PLA2R1: variants seen among roughly 807,000 people sequenced by gnomAD.
PLA2R1 encodes phospholipase A2 receptor 1.
A neutral mutation model predicts 195.9 loss-of-function variants in PLA2R1; 158 were observed. The ratio of observed to expected loss-of-function variants is 0.81; its 90% CI spans 0.71 to 0.92. The LOEUF (loss-of-function observed/expected upper bound fraction) is 0.92. Among genes scored for constraint, PLA2R1 ranks in the 40% least tolerant of loss-of-function variants. The pLI is 0.00. For synonymous variants in PLA2R1, 586 were observed against 598.2 expected, an observed-to-expected ratio of 0.98 and a Z score of 0.30; for missense variants, 1,626 against 1,764.6, an observed-to-expected ratio of 0.92 and a Z score of 1.41.
chr2:160,028,769 T>C, intron 5 of PLA2R1, 81 bp downstream of exon 5: 1 of 812,142 alleles, frequency 1.2e-6, no homozygotes, highest in Non-Finnish European at 2.1e-6. Context: ...AAAAAGCATG[T>C]CCTATGTGCA....
chr2:160,044,391 G>A (rs145348340), intron 2 of PLA2R1, among the ~76,000 whole-genome samples: 5 of 152,230 alleles, frequency 3.3e-5, no homozygotes, highest in South Asian at 2.1e-4. Flanking sequence ...GAGAAATGGC[G>A]GCAGGGGAGG....
chr2:160,045,150 T>C lies in PLA2R1; in HGVS notation c.117A>G (p.Gly39=). The change falls in exon 2 of 30, where the codon GGA becomes GGG. Residue 39 remains glycine (G), a synonymous_variant. Transcript: ENST00000283243. ...PERLLEWQDK[G]IFVIQSESLK... ...GACTCTCACTTTGGATAACAAATAT[T>C]CCTTTATCTGAAACAAAAATCAAAG... 6.3e-7 allele frequency: 1 copy of C among 1,588,506 alleles called. No individual in the cohort carries two copies. The highest frequency in any genetic ancestry group is 8.6e-7 in the Non-Finnish European group (1 of 1,164,556).
chr2:160,050,433 A>T (rs1010877894), intron 1 of PLA2R1, among the ~76,000 whole-genome samples: 1 of 150,928 alleles, frequency 6.6e-6, no homozygotes, highest in African/African-American at 2.4e-5. Flanking sequence ...TAACTGAACC[A>T]CTCTTTCACT....
At chr2:160,047,570 A>T (rs1339785713) in intron 1 of PLA2R1, among the ~76,000 whole-genome samples, 1 of 152,188 alleles carries the variant, frequency 6.6e-6, no homozygotes, top group African/African-American at 2.4e-5. Context: ...TCTTTTATGG[A>T]GGAAAAATAC....
chr2:160,039,727 A>G lies in PLA2R1; in HGVS notation c.667+2298T>C, dbSNP rs141637322. ...GGAAGAAAACTGGCACTGAACAAATAAACATGCTCTCTGCTGGTTGTGGTA... is the reference window on the plus strand; with the variant it reads ...GGAAGAAAACTGGCACTGAACAAATGAACATGCTCTCTGCTGGTTGTGGTA... On this transcript the variant is annotated intron_variant, in intron 3 of 29. Transcript: ENST00000283243. Among the ~76,000 whole-genome samples the G allele has an allele frequency of 3.1e-3, 478 of 152,148 alleles. 2 individuals are homozygous for G. The highest frequency in any genetic ancestry group is 0.011 in the African/African-American group (444 of 41,518).
rs1444712142 is a variant in PLA2R1, at chr2:159,933,473, G to A, written c.*8305C>T. 6.6e-6 allele frequency: 1 copy of A among 152,084 alleles called. No homozygotes were observed. The highest frequency in any genetic ancestry group is 2.4e-5 in the African/African-American group (1 of 41,398). The allele number at this position is 152,084 out of a possible 1,614,324, so 9.4% of individuals were successfully genotyped here. ...CAATTTAATACATATCACTTATCTTGTTAAGCCTTTCTCTACTTCTGACAG... is the reference window on the plus strand; with the variant it reads ...CAATTTAATACATATCACTTATCTTATTAAGCCTTTCTCTACTTCTGACAG... On this transcript the variant is annotated 3_prime_UTR_variant, in exon 30 of 30. Coordinates refer to ENST00000283243, the MANE Select transcript of PLA2R1 (RefSeq NM_007366.5).
chr2:159,946,487 C>T (rs1560132330), intron 27 of PLA2R1: 2 of 1,025,012 alleles, frequency 2.0e-6, no homozygotes, highest in Non-Finnish European at 2.3e-6. Flanking sequence ...GGGATATTTT[C>T]CAGTAAATAT....
chr2:160,003,163 G>C (rs1558900512), intron 11 of PLA2R1, among the ~76,000 whole-genome samples: 1 of 151,850 alleles, frequency 6.6e-6, no homozygotes, highest in Non-Finnish European at 1.5e-5. Context: ...AAATTAAAAT[G>C]AGCTATCTCC....
In PLA2R1 at chr2:160,062,565, A is replaced by G; in HGVS notation, c.-162T>C. ...GGGCCTTGCCAGCCCAGAGCCCTGGAGACCCACTCCGCCACCGCTGTCTCC... is the reference window on the plus strand; with the variant it reads ...GGGCCTTGCCAGCCCAGAGCCCTGGGGACCCACTCCGCCACCGCTGTCTCC... On this transcript the variant is annotated 5_prime_UTR_variant, in exon 1 of 30. Coordinates refer to ENST00000283243, the MANE Select transcript of PLA2R1 (RefSeq NM_007366.5). The G allele has an allele frequency of 2.4e-6, 3 of 1,262,986 alleles. No individual in the cohort carries two copies. The highest frequency in any genetic ancestry group is 1.8e-5 in the South Asian group (1 of 55,640). 78.2% of individuals were successfully genotyped at this position (1,262,986 alleles called of 1,614,324 possible).
intron 14 of PLA2R1, 78 bp downstream of exon 14, chr2:159,979,752 C>T (rs889287551): frequency 9.5e-6 from 7 of 736,458 alleles, no homozygotes; most frequent in Non-Finnish European, 1.7e-5. Flanking sequence ...TTTCTAGGTT[C>T]TCTTGGTTGG....
intron 8 of PLA2R1, among the ~76,000 whole-genome samples, chr2:160,018,332 CA>C (rs1692896321): frequency 6.6e-6 from 1 of 152,138 alleles, no homozygotes; most frequent in Admixed American, 6.6e-5. Context: ...ACCAATAAAT[CA>C]GCAGATACTG....
At chr2:160,011,989 T>A (rs981431087) in intron 10 of PLA2R1, among the ~76,000 whole-genome samples, 1 of 152,050 alleles carries the variant, frequency 6.6e-6, no homozygotes, top group Non-Finnish European at 1.5e-5. Context: ...TGTGTATGCA[T>A]TCCTGTGCAT....
rs769497810 is a variant in PLA2R1 at position 160,016,726 on chromosome 2, T to C, written c.1453-14A>G. 2 of 1,294,016 alleles carry C rather than the reference T, an allele frequency of 1.5e-6. No individual in the cohort carries two copies. The highest frequency in any genetic ancestry group is 2.3e-6 in the Non-Finnish European group (2 of 888,582). 80.2% of individuals were successfully genotyped at this position (1,294,016 alleles called of 1,614,324 possible). ...CCAGTGTCCCTCCTACGGAGAAAAA[T>C]GTTACAAGAGAATGAATACACTCTG... On this transcript the variant is annotated splice_polypyrimidine_tract_variant and intron_variant, in intron 8 of 29. Transcript: ENST00000283243.
chr2:160,047,273 T>A (rs1341021560), intron 1 of PLA2R1, among the ~76,000 whole-genome samples: 1 of 152,200 alleles, frequency 6.6e-6, no homozygotes, highest in East Asian at 1.9e-4. Context: ...TTAGGGATGT[T>A]AAGGATATTC....
intron 20 of PLA2R1, among the ~76,000 whole-genome samples, chr2:159,965,048 G>C (rs1333233605): frequency 1.3e-5 from 2 of 151,088 alleles, no homozygotes; most frequent in East Asian, 2.0e-4. Context: ...GGAAGGTACA[G>C]AGATTTCCCA....
intron 1 of PLA2R1, 98 bp from the exon 2 acceptor site, chr2:160,045,255 G>C: frequency 1.1e-6 from 1 of 893,350 alleles, no homozygotes; most frequent in Non-Finnish European, 1.7e-6. Flanking sequence ...ATATGCGACA[G>C]TTGCCAGCCA....
intron 8 of PLA2R1, among the ~76,000 whole-genome samples, chr2:160,017,890 C>A (rs977488993): frequency 2.6e-5 from 4 of 152,124 alleles, no homozygotes; most frequent in African/African-American, 9.7e-5. Flanking sequence ...GCATCGCTCC[C>A]CCATGGAGTC....
intron 14 of PLA2R1, among the ~76,000 whole-genome samples, chr2:159,978,179 C>T (rs879853196): frequency 6.6e-6 from 1 of 152,080 alleles, no homozygotes; most frequent in Non-Finnish European, 1.5e-5. Flanking sequence ...TAAGCTATAG[C>T]TAGCTTTAAT....
chr2:159,986,401 G>A (rs1028221536), intron 12 of PLA2R1, among the ~76,000 whole-genome samples: 1 of 152,070 alleles, frequency 6.6e-6, no homozygotes, highest in African/African-American at 2.4e-5. Flanking sequence ...TGCCCATCTT[G>A]TTGTGTGGGA....
Sources: allele counts gnomAD v4.1 joint callset (sites outside exome capture counted in the v4.1 genomes callset), GRCh38; gene constraint gnomAD v4.1.1; transcripts MANE v1.5; gene names NCBI Gene and HGNC (gene_info 2026-07-23, HGNC 2026-07-21).